The following SPATA13 variants were observed in gnomAD, a reference collection of about 807,000 sequenced individuals.
SPATA13 encodes spermatogenesis associated 13, also known as spermatogenesis-associated protein 13.
In SPATA13, 50 loss-of-function variants were observed where a neutral mutation model predicts 104.0. The ratio of observed to expected loss-of-function variants is 0.48; its 90% CI spans 0.38 to 0.61. SPATA13 has a LOEUF of 0.61. SPATA13 is among the 20% of genes least tolerant of loss of function. SPATA13 has a pLI of 0.00. For synonymous variants in SPATA13, 606 were observed against 667.5 expected, an observed-to-expected ratio of 0.91 and a Z score of 1.42; for missense variants, 1,524 against 1,690.6, an observed-to-expected ratio of 0.90 and a Z score of 1.73.
chr13:24,044,119 G>T (rs942933990), intron 3 of SPATA13, among the ~76,000 whole-genome samples: 2 of 152,214 alleles, frequency 1.3e-5, no homozygotes, highest in Non-Finnish European at 2.9e-5. Context: ...CCTGGCTGGG[G>T]AGTGGCTGCC....
chr13:24,300,686 G>A (rs1877120697), intron 12 of SPATA13: 1 of 559,194 alleles, frequency 1.8e-6, no homozygotes, highest in Admixed American at 3.0e-5. Context: ...TTGGAATGTG[G>A]GCATAGGAAA....
At chr13:24,054,336 T>G (rs559488691) in intron 3 of SPATA13, among the ~76,000 whole-genome samples, 3 of 152,324 alleles carry the variant, frequency 2.0e-5, no homozygotes, top group Non-Finnish European at 2.9e-5. Context: ...AATGTGAAGT[T>G]TAACGAAATT....
At position 24,137,122 on chromosome 13, in the gene SPATA13, G is replaced by A. The variant is rs1411837276; in HGVS notation, c.-111-85697G>A. On this transcript the variant is annotated intron_variant, in intron 3 of 14. Coordinates refer to the SPATA13 transcript ENST00000424834. ...TGGGATTACAGGCGTGAGCCACCGC[G>A]CCCGGCCTGTTCTTTATTTTTATGA... Among the ~76,000 whole-genome samples the A allele has an allele frequency of 1.1e-4, 4 of 35,066 alleles. 2 individuals are homozygous for A. In the Admixed American group the frequency reaches 1.6e-3, roughly 14 times the overall value. 23.0% of individuals were successfully genotyped at this position (35,066 alleles called of 152,430 possible).
At chr13:24,163,328 G>A (rs887669750) in intron 1 of SPATA13, among the ~76,000 whole-genome samples, 3 of 152,140 alleles carry the variant, frequency 2.0e-5, no homozygotes, top group African/African-American at 7.2e-5. Flanking sequence ...CTTGAGCCTG[G>A]GAGGTTGAGA....
In SPATA13 at chr13:24,174,638, G is replaced by A. The variant is rs145243551; in HGVS notation, c.-112+13706G>A. The stretch of plus-strand genomic sequence containing the variant: ...GTCACCCAGACTGGAGTATAGTGGC[G>A]CAATCTTGGCTCACTGCAACCTCCG... On this transcript the variant is annotated intron_variant, in intron 1 of 12. Transcript: ENST00000382108. 3.3e-3 allele frequency among the ~76,000 whole-genome samples: 497 copies of A among 152,048 alleles called. 1 individual carries two copies. Among genetic ancestry groups the A allele is most frequent in the South Asian group, 0.017 (81 of 4,820 alleles).
intron 3 of SPATA13, among the ~76,000 whole-genome samples, chr13:24,061,141 T>C (rs189365519): frequency 1.3e-5 from 2 of 152,258 alleles, no homozygotes; most frequent in East Asian, 3.9e-4. Context: ...ATCACTAATA[T>C]TAGAGAAATG....
At chr13:24,074,153 A>C (rs946869707) in intron 3 of SPATA13, among the ~76,000 whole-genome samples, 1 of 152,096 alleles carries the variant, frequency 6.6e-6, no homozygotes, top group African/African-American at 2.4e-5. Flanking sequence ...AACTGTCTTC[A>C]TTAAACCACT....
In SPATA13 at chr13:24,286,502, G is replaced by A; in HGVS notation, c.2481+109G>A. The A allele has an allele frequency of 8.4e-7, 1 of 1,187,832 alleles. No homozygotes were observed. Among genetic ancestry groups the A allele is most frequent in the Non-Finnish European group, 1.2e-6 (1 of 856,686 alleles). 73.6% of individuals were successfully genotyped at this position (1,187,832 alleles called of 1,614,324 possible). On this transcript the variant is annotated intron_variant, in intron 6 of 12. Transcript: ENST00000382108. This position sits in a 1 kb window ranked among gnomAD's most constrained non-coding sequence, Gnocchi z 4.9. ...GTCAGCTCTTTTGTAATTGATATCT[G>A]ACATGCAAGTCACACCTGTAAGAAA...
intron 3 of SPATA13, among the ~76,000 whole-genome samples, chr13:24,083,357 C>A (rs1286390592): frequency 6.6e-6 from 1 of 152,218 alleles, no homozygotes; most frequent in Non-Finnish European, 1.5e-5. Flanking sequence ...TTCAACTCTA[C>A]CCCATGGGCA....
At chr13:24,018,486 G>A (rs1876818401) in intron 3 of SPATA13, among the ~76,000 whole-genome samples, 1 of 152,142 alleles carries the variant, frequency 6.6e-6, no homozygotes, top group Non-Finnish European at 1.5e-5. Flanking sequence ...AAAGTGGAAC[G>A]CAGCTTCTGA....
At chr13:24,195,624 A>G (rs1870014305) in intron 1 of SPATA13, among the ~76,000 whole-genome samples, 1 of 152,172 alleles carries the variant, frequency 6.6e-6, no homozygotes, top group Admixed American at 6.5e-5. Flanking sequence ...AGGACAGTAT[A>G]ATATTATATA....
rs1423871455 is a variant in SPATA13 at position 24,224,021 on chromosome 13, C to T, written c.1092C>T (p.Arg364=). The change falls in exon 2 of 13, where the codon CGC becomes CGT. Residue 364 remains arginine, a synonymous_variant. Transcript: ENST00000382108. ...HSRLHDDYSR[R]VSRSTEQDSR... ...GGCTGCATGACGACTACTCCCGCCG[C>T]GTCTCCAGGAGCACTGAGCAGGACA... 7.1e-6 allele frequency: 11 copies of T among 1,548,856 alleles called. No individual in the cohort carries two copies. The highest frequency in any genetic ancestry group is 1.4e-5 in the African/African-American group (1 of 73,018).
At chr13:24,256,182 A>G (rs1283762883) in intron 4 of SPATA13, among the ~76,000 whole-genome samples, 1 of 152,208 alleles carries the variant, frequency 6.6e-6, no homozygotes, top group Non-Finnish European at 1.5e-5. Flanking sequence ...ATGAAAGTAT[A>G]TTTCTCCTCC....
chr13:24,039,958 G>A (rs1411816600), intron 3 of SPATA13, among the ~76,000 whole-genome samples: 2 of 152,172 alleles, frequency 1.3e-5, no homozygotes, highest in Admixed American at 1.3e-4. Context: ...CTTTCTGAGT[G>A]GTGGAGCCCA....
At chr13:24,040,356 C>G (rs1207243782) in intron 3 of SPATA13, among the ~76,000 whole-genome samples, 1 of 152,174 alleles carries the variant, frequency 6.6e-6, no homozygotes, top group East Asian at 1.9e-4. Context: ...CCTGAGGCCT[C>G]CCAGGTGGTA....
At chr13:24,107,055 G>C (rs191141661) in intron 3 of SPATA13, among the ~76,000 whole-genome samples, 82 of 150,154 alleles carry the variant, frequency 5.5e-4, no homozygotes, top group African/African-American at 1.8e-3. Context: ...ATAAGGACGG[G>C]GAAAAAAAAA....
intron 1 of SPATA13, among the ~76,000 whole-genome samples, chr13:24,219,871 T>C (rs1871471884): frequency 6.6e-6 from 1 of 152,184 alleles, no homozygotes; most frequent in Non-Finnish European, 1.5e-5. Flanking sequence ...ATGATACTGT[T>C]CTACTTACTG....
chr13:24,199,778 A>C (rs1246290317), intron 1 of SPATA13, among the ~76,000 whole-genome samples: 1 of 152,216 alleles, frequency 6.6e-6, no homozygotes, highest in African/African-American at 2.4e-5. Flanking sequence ...AGGTCACCAC[A>C]TCTTTGGGTT....
intron 3 of SPATA13, among the ~76,000 whole-genome samples, chr13:24,092,205 T>A (rs1256205888): frequency 6.6e-6 from 1 of 152,238 alleles, no homozygotes; most frequent in African/African-American, 2.4e-5. Context: ...ATGTTGATCT[T>A]TTAAAAGTGC....
Sources: allele counts gnomAD v4.1 joint callset (sites outside exome capture counted in the v4.1 genomes callset), GRCh38; gene constraint gnomAD v4.1.1; non-coding constraint Gnocchi (gnomAD v3.1); transcripts MANE v1.5; gene names NCBI Gene and HGNC (gene_info 2026-07-23, HGNC 2026-07-21).